Variants in GRIK4 observed in about 807,000 individuals in gnomAD.
GRIK4 encodes the protein glutamate ionotropic receptor kainate type subunit 4.
A neutral mutation model predicts 104.9 loss-of-function variants in GRIK4; 40 were observed. The observed-to-expected ratio is 0.38, with a 90% CI of 0.30 to 0.50. The LOEUF (loss-of-function observed/expected upper bound fraction) is 0.50. Among genes scored for constraint, GRIK4 ranks in the 20% least tolerant of loss-of-function variants. GRIK4 has a pLI of 0.93. For synonymous variants in GRIK4, 485 were observed against 524.9 expected (o/e 0.92, Z 1.04); for missense variants, 1,047 against 1,308.1 (o/e 0.80, Z 3.08).
At chr11:120,788,003 C>T (rs1952323541) in intron 3 of GRIK4, among the ~76,000 whole-genome samples, 1 of 150,360 alleles carries the variant, frequency 6.7e-6, no homozygotes, top group South Asian at 2.1e-4. Flanking sequence ...GTAGCTGAGA[C>T]TGCAGGCGCA....
At chr11:120,638,140 A>G (rs946595708) in intron 1 of GRIK4, among the ~76,000 whole-genome samples, 2 of 152,164 alleles carry the variant, frequency 1.3e-5, no homozygotes, top group Non-Finnish European at 2.9e-5. Context: ...TTGGCCTCCC[A>G]AAGTGCTAGG....
At chr11:120,694,911 C>T (rs1373794451) in intron 3 of GRIK4, among the ~76,000 whole-genome samples, 5 of 152,188 alleles carry the variant, frequency 3.3e-5, no homozygotes, top group Non-Finnish European at 5.9e-5. Flanking sequence ...CATTGGCTCC[C>T]GCAGCTTTAC....
chr11:120,745,392 A>G (rs1951421433), intron 3 of GRIK4, among the ~76,000 whole-genome samples: 1 of 152,210 alleles, frequency 6.6e-6, no homozygotes, highest in African/African-American at 2.4e-5. Context: ...TGAGCCCATT[A>G]CACTGTATCG....
Position 120,905,624 on chromosome 11 carries a change from C to A in GRIK4, c.1476+131C>A. 1.4e-6 allele frequency: 1 copy of A among 701,754 alleles called. No individual in the cohort carries two copies. The highest frequency in any genetic ancestry group is 1.7e-5 in the South Asian group (1 of 59,042). The allele number at this position is 701,754 out of a possible 1,614,324, so 43.5% of individuals were successfully genotyped here. ...ATTCATGCATTTGTCATTTATTTGT[C>A]CACTCATTCTATAAATCTTGCCTGG... On this transcript the variant is annotated intron_variant, in intron 13 of 20. Coordinates refer to ENST00000527524, the MANE Select transcript of GRIK4 (RefSeq NM_014619.5). The surrounding 1 kb of genome is among the most constrained non-coding windows in gnomAD (Gnocchi z 5.1).
At position 120,543,774 on chromosome 11, in the gene GRIK4, G is replaced by A. The variant is rs546840236; in HGVS notation, c.-159+31887G>A. Among the ~76,000 whole-genome samples, 162 of 152,224 alleles carry A rather than the reference G, an allele frequency of 1.1e-3. 1 individual carries two copies. Among genetic ancestry groups the A allele is most frequent in the African/African-American group, 3.7e-3 (153 of 41,524 alleles). On this transcript the variant is annotated intron_variant, in intron 1 of 20. Transcript: ENST00000527524. ...TGGAAGAATGGAATCCAGAATATGT[G>A]GTCCACACATACAGTGAATATTATT...
intron 3 of GRIK4, among the ~76,000 whole-genome samples, chr11:120,735,030 G>A (rs535915597): frequency 1.4e-4 from 22 of 152,146 alleles, no homozygotes; most frequent in African/African-American, 4.3e-4. Context: ...TTGAATTCTC[G>A]TTTTGAAAGG....
chr11:120,968,134 A>G (rs1328058048), intron 19 of GRIK4, among the ~76,000 whole-genome samples: 1 of 152,224 alleles, frequency 6.6e-6, no homozygotes. Context: ...CAAATGTTAA[A>G]TTAGGCTGAA....
chr11:120,659,490 TCCACC>T (rs1949775922), intron 2 of GRIK4, among the ~76,000 whole-genome samples: 1 of 152,122 alleles, frequency 6.6e-6, no homozygotes, highest in African/African-American at 2.4e-5. Flanking sequence ...TTAGTTCAAC[TCCACC>T]AGGAGGGGTT....
intron 3 of GRIK4, among the ~76,000 whole-genome samples, chr11:120,728,083 C>T (rs1423863264): frequency 6.6e-6 from 1 of 151,960 alleles, no homozygotes; most frequent in East Asian, 1.9e-4. Flanking sequence ...ACACTGTGCA[C>T]CTCAGAATAT....
chr11:120,542,258 A>G (rs1398203929), intron 1 of GRIK4, among the ~76,000 whole-genome samples: 1 of 152,268 alleles, frequency 6.6e-6, no homozygotes, highest in Non-Finnish European at 1.5e-5. Context: ...CACATGCAAA[A>G]GAATGAAATT....
chr11:120,810,090 G>A (rs746856491), intron 4 of GRIK4, among the ~76,000 whole-genome samples: 1 of 152,056 alleles, frequency 6.6e-6, no homozygotes, highest in Non-Finnish European at 1.5e-5. Context: ...ACAAAAGAAC[G>A]GTTGTGTGGT....
rs540523375 is a variant in GRIK4, at chr11:120,803,360, T to C, written c.247+503T>C. ...TCATCCTATCCTATCCAAACCTCAGTTTCTACATCTTTAAAATAGGAATAC... is the reference window on the plus strand; with the variant it reads ...TCATCCTATCCTATCCAAACCTCAGCTTCTACATCTTTAAAATAGGAATAC... On this transcript the variant is annotated intron_variant, in intron 4 of 20. Coordinates refer to ENST00000527524, the MANE Select transcript of GRIK4 (RefSeq NM_014619.5). Among the ~76,000 whole-genome samples the C allele has an allele frequency of 6.6e-5, 10 of 152,326 alleles. No individual in the cohort carries two copies. The East Asian group carries it at 1.4e-3, about 21-fold the overall frequency.
intron 1 of GRIK4, among the ~76,000 whole-genome samples, chr11:120,573,757 CAA>C (rs149181185): frequency 0.015 from 2,250 of 152,308 alleles, 57 homozygotes; most frequent in African/African-American, 0.051. Flanking sequence ...GGGCCTGACT[CAA>C]GAGCCAGGTG....
At chr11:120,627,346 CA>C (rs1211247372) in intron 1 of GRIK4, among the ~76,000 whole-genome samples, 1 of 152,224 alleles carries the variant, frequency 6.6e-6, no homozygotes, top group Admixed American at 6.5e-5. Context: ...CAGCGCAGTG[CA>C]AGGAGAGCAC....
At chr11:120,912,782 G>A (rs774430016) in intron 13 of GRIK4, among the ~76,000 whole-genome samples, 1 of 152,214 alleles carries the variant, frequency 6.6e-6, no homozygotes, top group Non-Finnish European at 1.5e-5. Flanking sequence ...AATTGAGAAT[G>A]CTTTTCTTAT....
chr11:120,987,279 A>ACAGAGGCGGAAGGAC lies in GRIK4; in HGVS notation c.*1020_*1034dup, dbSNP rs1944771769. On this transcript the variant is annotated 3_prime_UTR_variant, in exon 21 of 21. Coordinates refer to ENST00000527524, the MANE Select transcript of GRIK4 (RefSeq NM_014619.5). ...TGGCTTCCGGTGGAACGTGCCGTTC[A>ACAGAGGCGGAAGGAC]CAGAGGCGGAAGGACTGGGCCACCC... The ACAGAGGCGGAAGGAC allele has an allele frequency of 6.6e-6, 1 of 152,222 alleles. No homozygotes were observed. Among genetic ancestry groups the ACAGAGGCGGAAGGAC allele is most frequent in the Non-Finnish European group, 1.5e-5 (1 of 68,048 alleles). 9.4% of individuals were successfully genotyped at this position (152,222 alleles called of 1,614,324 possible).
chr11:120,865,205 C>T (rs1403404226), intron 9 of GRIK4, among the ~76,000 whole-genome samples: 1 of 151,716 alleles, frequency 6.6e-6, no homozygotes, highest in African/African-American at 2.4e-5. Flanking sequence ...GATTCTATCT[C>T]CAATTCACAA....
intron 13 of GRIK4, among the ~76,000 whole-genome samples, chr11:120,906,983 G>A (rs1942881787): frequency 6.6e-6 from 1 of 152,190 alleles, no homozygotes; most frequent in East Asian, 1.9e-4. Flanking sequence ...CGACTGCCAT[G>A]GGGGTGGGGA....
intron 13 of GRIK4, among the ~76,000 whole-genome samples, chr11:120,932,349 C>T (rs1464720210): frequency 4.6e-5 from 7 of 152,178 alleles, no homozygotes; most frequent in Non-Finnish European, 5.9e-5. Context: ...AGGAAACAGG[C>T]GGGGAGGGGG....
Sources: allele counts gnomAD v4.1 joint callset (sites outside exome capture counted in the v4.1 genomes callset), GRCh38; gene constraint gnomAD v4.1.1; non-coding constraint Gnocchi (gnomAD v3.1); transcripts MANE v1.5; gene names NCBI Gene and HGNC (gene_info 2026-07-23, HGNC 2026-07-21).